The following FKRP variants were observed in gnomAD, a reference collection of about 807,000 sequenced individuals.
The protein encoded by FKRP is fukutin related protein, also known as ribitol 5-phosphate transferase FKRP.
Under a neutral mutation model 30.6 loss-of-function variants are expected in FKRP, and 25 were observed. That is an observed-to-expected ratio of 0.82 (90% CI 0.60 to 1.14). The LOEUF (loss-of-function observed/expected upper bound fraction) is 1.14. Among genes scored for constraint, FKRP ranks in the 50% most tolerant of loss-of-function variants. FKRP has a pLI of 0.00. For synonymous variants in FKRP, 358 were observed against 342.5 expected (o/e 1.05, Z -0.50); for missense variants, 771 against 727.8 (o/e 1.06, Z -0.68).
chr19:46,753,125 C>T (rs372233106), intron 3 of FKRP, among the ~76,000 whole-genome samples: 4 of 150,196 alleles, frequency 2.7e-5, no homozygotes, highest in Non-Finnish European at 5.9e-5. Context: ...AGTCGCACCA[C>T]CGCACTCCAG....
intron 3 of FKRP, 94 bp from the exon 4 acceptor site, chr19:46,755,318 A>G: frequency 1.2e-6 from 1 of 801,426 alleles, no homozygotes; most frequent in South Asian, 1.9e-5. Flanking sequence ...AAGGGAATTG[A>G]GAAAGAGCTG....
rs1424631302 is a variant in FKRP at position 46,746,109 on chromosome 19, G to A, written c.-253+19G>A. The A allele has an allele frequency of 2.8e-6, 4 of 1,438,910 alleles. No homozygotes were observed. Among genetic ancestry groups the A allele is most frequent in the East Asian group, 6.3e-5 (2 of 31,904 alleles). 89.1% of individuals were successfully genotyped at this position (1,438,910 alleles called of 1,614,324 possible). A position where few individuals can be genotyped will look rare whatever the true frequency, so the allele number is the denominator to read the frequency against. ...GCAGCGGGTGAGGCCGGGCCGGGCC[G>A]GGCCGGGTTGGGGGTCGGGGGTCCC... On this transcript the variant is annotated intron_variant, in intron 1 of 3. Coordinates refer to ENST00000318584, the MANE Select transcript of FKRP (RefSeq NM_024301.5).
chr19:46,756,479 G>T lies in FKRP; in HGVS notation c.1029G>T (p.Glu343Asp), dbSNP rs774059783. ...LEAAGVRYWL[E>D]GGSLLGAARH... ...CTGCGGGCGTGCGCTACTGGCTCGA[G>T]GGCGGCTCACTGCTGGGGGCCGCCC... The change falls in exon 4 of 4, where the codon GAG becomes GAT. Residue 343 changes from glutamate to aspartate, a missense_variant. Transcript: ENST00000318584. The surrounding 1 kb of genome is among the most constrained non-coding windows in gnomAD (Gnocchi z 6.6). The T allele has an allele frequency of 6.5e-7, 1 of 1,543,010 alleles. No homozygotes were observed. Among genetic ancestry groups the T allele is most frequent in the South Asian group, 1.2e-5 (1 of 82,622 alleles).
Position 46,756,230 on chromosome 19 carries a change from G to A in FKRP, c.780G>A (p.Glu260=), listed in dbSNP as rs1414659732. 2.4e-5 allele frequency: 35 copies of A among 1,452,074 alleles called. No homozygotes were observed. Among genetic ancestry groups the A allele is most frequent in the Non-Finnish European group, 2.9e-5 (32 of 1,109,240 alleles). The allele number at this position is 1,452,074 out of a possible 1,614,324, so 89.9% of individuals were successfully genotyped here. A position where few individuals can be genotyped will look rare whatever the true frequency, so the allele number is the denominator to read the frequency against. ...ACGCGCGCTGGAAGGCTGAGCGCGAGGGACGCGCTCGGCGGGCGGCGCTGC... is the reference window on the plus strand; with the variant it reads ...ACGCGCGCTGGAAGGCTGAGCGCGAAGGACGCGCTCGGCGGGCGGCGCTGC... ...TAHARWKAER[E]GRARRAALLR... is the part of the protein sequence containing the mutation. Residue 260 remains glutamate, a synonymous_variant, in exon 4 of 4, where the codon GAG becomes GAA. Transcript: ENST00000318584. This position sits in a 1 kb window ranked among gnomAD's most constrained non-coding sequence, Gnocchi z 6.6.
chr19:46,756,323 G>T lies in FKRP; in HGVS notation c.873G>T (p.Lys291Asn). Residue 291 changes from lysine (K) to asparagine (N), a missense_variant, in exon 4 of 4, where the codon AAG becomes AAT. Lys to Asn is a moderately conservative substitution (Grantham distance 94). Coordinates refer to ENST00000318584, the MANE Select transcript of FKRP (RefSeq NM_024301.5). This position sits in a 1 kb window ranked among gnomAD's most constrained non-coding sequence, Gnocchi z 6.6. The stretch of plus-strand genomic sequence containing the variant: ...GGCTGGAGTGGTTCGGCTGCAACAA[G>T]GAGACCACGCGCTGCTTCGGAACCG... ...GGRLEWFGCN[K>N]ETTRCFGTVV... The T allele has an allele frequency of 6.4e-7, 1 of 1,555,354 alleles. No individual in the cohort carries two copies. Among genetic ancestry groups the T allele is most frequent in the East Asian group, 2.4e-5 (1 of 42,138 alleles).
chr19:46,746,399 G>GCGA, intron 1 of FKRP: 2 of 1,062,154 alleles, frequency 1.9e-6, no homozygotes, highest in Non-Finnish European at 1.1e-6. Flanking sequence ...GGCGGCGGCG[G>GCGA]CGACCGCGGC....
rs1384020220 is a variant in FKRP at position 46,756,290 on chromosome 19, A to G, written c.840A>G (p.Glu280=). 1 of 1,529,714 alleles carries G rather than the reference A, an allele frequency of 6.5e-7. No homozygotes were observed. The highest frequency in any genetic ancestry group is 8.8e-7 in the Non-Finnish European group (1 of 1,142,356). The allele number at this position is 1,529,714 out of a possible 1,614,324, so 94.8% of individuals were successfully genotyped here. ...TGGGCATCCGCCTAGTGAGCTGGGAAGGCGGGCGGCTGGAGTGGTTCGGCT... is the reference window on the plus strand; with the variant it reads ...TGGGCATCCGCCTAGTGAGCTGGGAGGGCGGGCGGCTGGAGTGGTTCGGCT... ...RALGIRLVSW[E]GGRLEWFGCN... is the part of the protein sequence containing the mutation. The change falls in exon 4 of 4, where the codon GAA becomes GAG. Residue 280 remains glutamate (E), a synonymous_variant. Transcript: ENST00000318584. The surrounding 1 kb of genome is among the most constrained non-coding windows in gnomAD (Gnocchi z 6.6).
rs571770717 is a variant in FKRP, at chr19:46,754,318, G to A, written c.-39-1094G>A. 2.1e-4 allele frequency: 32 copies of A among 149,356 alleles called. 1 individual carries two copies. Among genetic ancestry groups the A allele is most frequent in the African/African-American group, 8.1e-4 (32 of 39,352 alleles). The allele number at this position is 149,356 out of a possible 1,614,324, so 9.3% of individuals were successfully genotyped here. ...CTCCCAAATTGCTGGGATCACAGGT[G>A]TGAGTCACTGTACCTGGCCCACCCC... On this transcript the variant is annotated intron_variant, in intron 3 of 3. Coordinates refer to ENST00000318584, the MANE Select transcript of FKRP (RefSeq NM_024301.5).
chr19:46,746,056 C>G, upstream of FKRP: 12 of 1,055,206 alleles, frequency 1.1e-5, no homozygotes, highest in East Asian at 4.0e-5. Context: ...GTCCCGGCGG[C>G]CATTGCTCCA....
rs997311165 is a variant in FKRP, at chr19:46,755,623, C to T, written c.173C>T (p.Ala58Val). The T allele has an allele frequency of 6.2e-7, 1 of 1,603,514 alleles. No homozygotes were observed. Among genetic ancestry groups the T allele is most frequent in the African/African-American group, 1.3e-5 (1 of 74,776 alleles). ...RVTVLVREFE[A>V]FDNAVPELVD... ...ACCGTCCTGGTGCGGGAGTTCGAGG[C>T]ATTTGACAACGCGGTGCCCGAGCTG... The change falls in exon 4 of 4, where the codon GCA becomes GTA. Residue 58 changes from alanine to valine, a missense_variant. Physicochemically the swap from Ala to Val is moderately conservative, Grantham distance 64. Transcript: ENST00000318584.
At chr19:46,750,856 C>T (rs2054777466) in intron 3 of FKRP, among the ~76,000 whole-genome samples, 1 of 152,060 alleles carries the variant, frequency 6.6e-6, no homozygotes, top group Non-Finnish European at 1.5e-5. Context: ...TAATTCAAGT[C>T]ACTCATTCAT....
chr19:46,746,058 A>T lies in FKRP; in HGVS notation c.-285A>T. On this transcript the variant is annotated 5_prime_UTR_variant, in exon 1 of 4. Coordinates refer to ENST00000318584, the MANE Select transcript of FKRP (RefSeq NM_024301.5). The stretch of plus-strand genomic sequence containing the variant: ...CCCCCCGCCGGCCGTCCCGGCGGCC[A>T]TTGCTCCAAGATGGCGGCGGCGGCG... The T allele has an allele frequency of 1.4e-6, 1 of 696,508 alleles. No individual in the cohort carries two copies. Among genetic ancestry groups the T allele is most frequent in the Non-Finnish European group, 1.9e-6 (1 of 532,358 alleles). 43.1% of individuals were successfully genotyped at this position (696,508 alleles called of 1,614,324 possible).
intron 3 of FKRP, among the ~76,000 whole-genome samples, chr19:46,749,314 C>T (rs894132418): frequency 2.0e-5 from 3 of 151,950 alleles, no homozygotes; most frequent in Non-Finnish European, 4.4e-5. Context: ...GACTCTGTAG[C>T]CAGCTTCTTG....
chr19:46,753,585 C>T (rs994406170), intron 3 of FKRP, among the ~76,000 whole-genome samples: 2 of 151,706 alleles, frequency 1.3e-5, no homozygotes, highest in African/African-American at 2.4e-5. Flanking sequence ...AGGGGAATGT[C>T]AGAAGCAGCT....
intron 3 of FKRP, among the ~76,000 whole-genome samples, chr19:46,752,705 T>A (rs1276327381): frequency 6.6e-6 from 1 of 151,766 alleles, no homozygotes; most frequent in East Asian, 1.9e-4. Flanking sequence ...CACAAAAATG[T>A]GTTTGAAAAA....
rs2054936303 is a variant in FKRP, at chr19:46,756,739, A to G, written c.1289A>G (p.Asp430Gly). 6.2e-7 allele frequency: 1 copy of G among 1,609,884 alleles called. No homozygotes were observed. Among genetic ancestry groups the G allele is most frequent in the Non-Finnish European group, 8.5e-7 (1 of 1,178,330 alleles). The change falls in exon 4 of 4, where the codon GAC (aspartate) becomes GGC (glycine). Residue 430 changes from aspartate (D) to glycine (G), a missense_variant. By Grantham distance (94) the Asp-to-Gly change is moderately conservative. Transcript: ENST00000318584. The surrounding 1 kb of genome is among the most constrained non-coding windows in gnomAD (Gnocchi z 6.6). Reference protein sequence around the residue: ...FYPRNGVMTKDTWLDHRQDVE... With the variant: ...FYPRNGVMTKGTWLDHRQDVE... ...CCCCGCAATGGCGTCATGACCAAGG[A>G]CACGTGGCTGGACCACCGGCAGGAT...
rs560682162 is a variant in FKRP at position 46,748,281 on chromosome 19, G to A, written c.-191+193G>A. On this transcript the variant is annotated intron_variant, in intron 2 of 3. Coordinates refer to ENST00000318584, the MANE Select transcript of FKRP (RefSeq NM_024301.5). ...CAACCTCCACCTCCCTGGTTCAAGC[G>A]ATTCTCCTGCCTCAGCCTCCCGAGT... 1.2e-3 allele frequency among the ~76,000 whole-genome samples: 179 copies of A among 152,034 alleles called. 1 individual carries two copies. The highest frequency in any genetic ancestry group is 3.4e-3 in the African/African-American group (139 of 41,448).
Position 46,755,734 on chromosome 19 carries a change from G to T in FKRP, c.284G>T (p.Arg95Leu). Residue 95 changes from arginine (R) to leucine (L), a missense_variant, in exon 4 of 4, where the codon CGC becomes CTC. Physicochemically the swap from Arg to Leu is moderately radical, Grantham distance 102. Coordinates refer to ENST00000318584, the MANE Select transcript of FKRP (RefSeq NM_024301.5). ...CCCTACCCGCCCCTGGCCCTGCCCC[G>T]CATCCCCAACGTGCGTCTGGCGCTG... ...TLPYPPLALPRIPNVRLALLQ... is the reference protein window; with the variant it reads ...TLPYPPLALPLIPNVRLALLQ... 1.3e-6 allele frequency: 2 copies of T among 1,566,588 alleles called. No individual in the cohort carries two copies. The highest frequency in any genetic ancestry group is 1.7e-4 in the Middle Eastern group (1 of 5,966).
chr19:46,755,698 C>T lies in FKRP; in HGVS notation c.248C>T (p.Ala83Val). Residue 83 changes from alanine (A) to valine (V), a missense_variant, in exon 4 of 4, where the codon GCC becomes GTC. Transcript: ENST00000318584. ...CCAGCCCAGCCCGTGGTGGTGGCAG[C>T]CGACACGCTCCCCTACCCGCCCCTG... ...QDPAQPVVVA[A>V]DTLPYPPLAL... The T allele has an allele frequency of 6.3e-7, 1 of 1,582,368 alleles. No individual in the cohort carries two copies. The highest frequency in any genetic ancestry group is 8.5e-7 in the Non-Finnish European group (1 of 1,170,826).
Sources: allele counts gnomAD v4.1 joint callset (sites outside exome capture counted in the v4.1 genomes callset), GRCh38; gene constraint gnomAD v4.1.1; non-coding constraint Gnocchi (gnomAD v3.1); transcripts MANE v1.5; gene names NCBI Gene and HGNC (gene_info 2026-07-23, HGNC 2026-07-21).